PRRG1: variants seen among roughly 807,000 people sequenced by gnomAD.
PRRG1 encodes the protein proline rich and Gla domain 1.
A neutral mutation model predicts 11.8 loss-of-function variants in PRRG1; 5 were observed. The ratio of observed to expected loss-of-function variants is 0.42; its 90% CI spans 0.22 to 0.89. The LOEUF (loss-of-function observed/expected upper bound fraction) is 0.89. PRRG1 is among the 40% of genes least tolerant of loss of function. PRRG1 has a pLI of 0.28. For synonymous variants in PRRG1, 66 were observed against 60.4 expected, an observed-to-expected ratio of 1.09 and a Z score of -0.43; for missense variants, 155 against 166.1, an observed-to-expected ratio of 0.93 and a Z score of 0.37.
chrX:37,358,739 A>C (rs1427026620), intron 1 of PRRG1, among the ~76,000 whole-genome samples: 1 of 111,824 alleles, frequency 8.9e-6, no homozygotes, highest in African/African-American at 3.2e-5. Flanking sequence ...TTTTTAAAAA[A>C]AAAAATTCAC....
intron 1 of PRRG1, among the ~76,000 whole-genome samples, chrX:37,380,273 G>A (rs1357890854): frequency 2.7e-5 from 3 of 111,530 alleles, no homozygotes; most frequent in Non-Finnish European, 5.7e-5. Flanking sequence ...ATTCATATTT[G>A]CATGCCTTTA....
intron 3 of PRRG1, among the ~76,000 whole-genome samples, chrX:37,445,707 T>C (rs1457076896): frequency 8.9e-6 from 1 of 112,970 alleles, no homozygotes; most frequent in Non-Finnish European, 1.9e-5. Context: ...CTTTTAATCA[T>C]TGTTTTATAA....
intron 2 of PRRG1, among the ~76,000 whole-genome samples, chrX:37,408,353 C>T (rs1450257545): frequency 1.8e-5 from 2 of 112,053 alleles, no homozygotes; most frequent in East Asian, 5.6e-4. Context: ...CTGGAGGAGG[C>T]AGTGTCTGAT....
At chrX:37,420,636 A>G (rs1556386658) in intron 2 of PRRG1, among the ~76,000 whole-genome samples, 2 of 97,703 alleles carry the variant, frequency 2.0e-5, no homozygotes, top group African/African-American at 8.1e-5. Context: ...GTTTGAGACC[A>G]GCCTGGGCAA....
chrX:37,456,385 C>CA lies in PRRG1; in HGVS notation c.*2765dup, dbSNP rs782808003. On this transcript the variant is annotated 3_prime_UTR_variant, in exon 4 of 4. Transcript: ENST00000378628. ...TGGATATAATGCTGCTTTTTAGAGA[C>CA]ACCTAAATTGCAGTATCAGAATGAA... is the stretch of plus-strand genomic sequence containing the variant. The CA allele has an allele frequency of 8.9e-6, 1 of 112,365 alleles. No individual in the cohort carries two copies. Among genetic ancestry groups the CA allele is most frequent in the South Asian group, 3.7e-4 (1 of 2,725 alleles). 9.3% of individuals were successfully genotyped at this position (112,365 alleles called of 1,213,427 possible). A position where few individuals can be genotyped will look rare whatever the true frequency, so the allele number is the denominator to read the frequency against.
chrX:37,408,065 T>C (rs1323984995), intron 2 of PRRG1, among the ~76,000 whole-genome samples: 1 of 112,131 alleles, frequency 8.9e-6, no homozygotes, highest in Non-Finnish European at 1.9e-5. Flanking sequence ...AAATGAACTT[T>C]TTAAAAACTA....
At chrX:37,355,943 C>T (rs1432825765) in intron 1 of PRRG1, among the ~76,000 whole-genome samples, 5 of 111,882 alleles carry the variant, frequency 4.5e-5, no homozygotes, top group African/African-American at 9.7e-5. Context: ...TAGCCCTTGC[C>T]GTAAGACTGC....
intron 3 of PRRG1, among the ~76,000 whole-genome samples, chrX:37,444,244 A>G (rs1323574054): frequency 9.0e-6 from 1 of 111,521 alleles, no homozygotes; most frequent in African/African-American, 3.3e-5. Flanking sequence ...CAGATCATAT[A>G]TATTTTTTCT....
In PRRG1 at chrX:37,449,289, A is replaced by G. The variant is rs782192651; in HGVS notation, c.172-3847A>G. Among the ~76,000 whole-genome samples, 43 of 111,553 alleles carry G rather than the reference A, an allele frequency of 3.9e-4. 1 individual carries two copies. The highest frequency in any genetic ancestry group is 7.5e-5 in the Non-Finnish European group (4 of 53,076). On this transcript the variant is annotated intron_variant, in intron 3 of 3. Transcript: ENST00000378628. ...TAAATGCTGCTAGGCCCTCCTCATC[A>G]ATACATACTCAATGGGAAAATCATC...
Position 37,435,122 on chromosome X carries a change from C to A in PRRG1, c.171+9122C>A, listed in dbSNP as rs1232648723. Among the ~76,000 whole-genome samples the A allele has an allele frequency of 2.7e-5, 3 of 110,316 alleles. No individual in the cohort carries two copies. The Admixed American group carries it at 2.9e-4, about 11-fold the overall frequency. ...TTATTGGGCTGGAGTGTGGAGAATACAAGATGAGCTGGAGAACATTGTGGT... is the reference window on the plus strand; with the variant it reads ...TTATTGGGCTGGAGTGTGGAGAATAAAAGATGAGCTGGAGAACATTGTGGT... On this transcript the variant is annotated intron_variant, in intron 3 of 3. Transcript: ENST00000378628.
chrX:37,428,823 C>G (rs1932798916), intron 3 of PRRG1, among the ~76,000 whole-genome samples: 1 of 112,881 alleles, frequency 8.9e-6, no homozygotes, highest in Non-Finnish European at 1.9e-5. Flanking sequence ...CATGAGAGCC[C>G]TGTCCCTGCA....
intron 1 of PRRG1, among the ~76,000 whole-genome samples, chrX:37,358,856 A>C (rs1405352031): frequency 8.9e-6 from 1 of 111,814 alleles, no homozygotes; most frequent in Non-Finnish European, 1.9e-5. Flanking sequence ...TGAACATGGG[A>C]TATCTTTCCA....
chrX:37,447,813 A>G (rs1383329842), intron 3 of PRRG1, among the ~76,000 whole-genome samples: 5 of 112,645 alleles, frequency 4.4e-5, no homozygotes, highest in African/African-American at 1.6e-4. Flanking sequence ...TTTTAGCAAG[A>G]AGAAACCACA....
chrX:37,436,071 T>C (rs782244748), intron 3 of PRRG1, among the ~76,000 whole-genome samples: 2 of 112,207 alleles, frequency 1.8e-5, no homozygotes, highest in African/African-American at 6.5e-5. Context: ...ACAAGTCTCC[T>C]TGGACCAGGG....
At chrX:37,384,317 C>T (rs1316694739) in intron 1 of PRRG1, among the ~76,000 whole-genome samples, 1 of 111,647 alleles carries the variant, frequency 9.0e-6, no homozygotes, top group Non-Finnish European at 1.9e-5. Flanking sequence ...CTAAGGCTAA[C>T]ATAAGATTCT....
In PRRG1 at chrX:37,425,918, A is replaced by G. The variant is rs1932766974; in HGVS notation, c.89A>G (p.Gln30Arg). Residue 30 changes from glutamine (Q) to arginine (R), a missense_variant, in exon 3 of 4, where the codon CAG (glutamine) becomes CGG (arginine). By Grantham distance (43) the Gln-to-Arg change is conservative (BLOSUM62 1). Coordinates refer to ENST00000378628, the MANE Select transcript of PRRG1 (RefSeq NM_001142395.2). ...AATGGGTTTTTTGAAGAAATAAGAC[A>G]GGGCAACATTGAGCGTGAGTGCAAA... ...RANGFFEEIR[Q>R]GNIERECKEE... The G allele has an allele frequency of 1.7e-6, 2 of 1,207,253 alleles. No homozygotes were observed. The highest frequency in any genetic ancestry group is 5.9e-5 in the East Asian group (2 of 33,765).
At chrX:37,411,145 A>G (rs1429233083) in intron 2 of PRRG1, among the ~76,000 whole-genome samples, 1 of 112,323 alleles carries the variant, frequency 8.9e-6, no homozygotes, top group Non-Finnish European at 1.9e-5. Flanking sequence ...ATACAACAAT[A>G]AAGTGCAAAT....
At chrX:37,439,087 G>A (rs782345164) in intron 3 of PRRG1, among the ~76,000 whole-genome samples, 1 of 111,743 alleles carries the variant, frequency 8.9e-6, no homozygotes, top group Non-Finnish European at 1.9e-5. Context: ...CTTTGCCATA[G>A]CCCTATGTTG....
At chrX:37,443,644 C>A (rs1303095249) in intron 3 of PRRG1, among the ~76,000 whole-genome samples, 1 of 112,087 alleles carries the variant, frequency 8.9e-6, no homozygotes, top group East Asian at 2.8e-4. Flanking sequence ...AGTGTATTTT[C>A]AAATCAGCTT....
Sources: gnomAD v4.1 joint callset for allele counts (sites outside exome capture counted in the v4.1 genomes callset) on GRCh38, gnomAD v4.1.1 for gene constraint, MANE v1.5 for transcripts, NCBI Gene and HGNC (gene_info 2026-07-23, HGNC 2026-07-21) for gene names.